The following HS6ST3 variants were observed in gnomAD, a reference collection of about 807,000 sequenced individuals.
HS6ST3 encodes the protein heparan sulfate 6-O-sulfotransferase 3.
In HS6ST3, 12 loss-of-function variants were observed where a neutral mutation model predicts 36.7. The observed-to-expected ratio is 0.33, with a 90% CI of 0.21 to 0.53. HS6ST3 has a LOEUF of 0.53. Among genes scored for constraint, HS6ST3 ranks in the 20% least tolerant of loss-of-function variants. HS6ST3 has a pLI of 0.95. For synonymous variants in HS6ST3, 240 were observed against 257.5 expected (o/e 0.93, Z 0.65); for missense variants, 584 against 640.9 (o/e 0.91, Z 0.96).
At chr13:96,824,014 A>G (rs1878597999) in intron 1 of HS6ST3, among the ~76,000 whole-genome samples, 1 of 152,254 alleles carries the variant, frequency 6.6e-6, no homozygotes, top group Admixed American at 6.5e-5. Flanking sequence ...TTTTTAAAAA[A>G]GCAAGAACAA....
chr13:96,204,954 G>A (rs569374340), intron 1 of HS6ST3, among the ~76,000 whole-genome samples: 3 of 151,944 alleles, frequency 2.0e-5, no homozygotes, highest in East Asian at 1.9e-4. Flanking sequence ...AAACAAACTC[G>A]AAATCTAGCA....
chr13:96,412,867 A>G (rs1311646537), intron 1 of HS6ST3, among the ~76,000 whole-genome samples: 1 of 150,330 alleles, frequency 6.7e-6, no homozygotes, highest in Non-Finnish European at 1.5e-5. Context: ...ATATATAAAA[A>G]CATATATAAG....
At chr13:96,763,363 C>T (rs968612260) in intron 1 of HS6ST3, among the ~76,000 whole-genome samples, 6 of 150,428 alleles carry the variant, frequency 4.0e-5, no homozygotes, top group East Asian at 3.9e-4. Flanking sequence ...TCATGGCACA[C>T]ACCTCTAATC....
chr13:96,753,696 T>C (rs929079612), intron 1 of HS6ST3, among the ~76,000 whole-genome samples: 3 of 152,210 alleles, frequency 2.0e-5, no homozygotes, highest in African/African-American at 7.2e-5. Flanking sequence ...AAATTTATTG[T>C]CTGCATGTAA....
chr13:96,697,403 AG>A (rs1875158354), intron 1 of HS6ST3, among the ~76,000 whole-genome samples: 2 of 152,110 alleles, frequency 1.3e-5, no homozygotes, highest in Non-Finnish European at 2.9e-5. Flanking sequence ...TTTCACCAAA[AG>A]GAAAGAGAAA....
intron 1 of HS6ST3, among the ~76,000 whole-genome samples, chr13:96,107,818 C>T (rs1376976293): frequency 6.6e-6 from 1 of 152,158 alleles, no homozygotes; most frequent in Admixed American, 6.5e-5. Context: ...TTATCACTTC[C>T]CCAATCAATA....
At chr13:96,392,678 G>T (rs1233838667) in intron 1 of HS6ST3, among the ~76,000 whole-genome samples, 1 of 152,174 alleles carries the variant, frequency 6.6e-6, no homozygotes, top group Non-Finnish European at 1.5e-5. Context: ...TGGCAAGCTG[G>T]AGAGTGGCAC....
chr13:96,749,062 A>G (rs1876631805), intron 1 of HS6ST3, among the ~76,000 whole-genome samples: 1 of 152,118 alleles, frequency 6.6e-6, no homozygotes, highest in South Asian at 2.1e-4. Flanking sequence ...ATTTCTCACA[A>G]AACTAAAATT....
chr13:96,458,518 A>G (rs2055765281), intron 1 of HS6ST3, among the ~76,000 whole-genome samples: 1 of 152,090 alleles, frequency 6.6e-6, no homozygotes, highest in Admixed American at 6.6e-5. Flanking sequence ...CTTAGCAAGC[A>G]GCTGCATTTC....
At chr13:96,491,715 G>T (rs1416920822) in intron 1 of HS6ST3, among the ~76,000 whole-genome samples, 1 of 152,062 alleles carries the variant, frequency 6.6e-6, no homozygotes, top group Non-Finnish European at 1.5e-5. Context: ...CTACTGGTCA[G>T]CCCATATACA....
In HS6ST3 at chr13:96,834,186, AG is replaced by A. The variant is rs1338998261; in HGVS notation, c.*989del. On this transcript the variant is annotated 3_prime_UTR_variant, in exon 2 of 2. Transcript: ENST00000376705. ...GTCTTGAAATTTTGCCACCACAGAA[AG>A]AAAGATGTTTTTAAAAGCTTGGCCC... 2 of 152,256 alleles carry A rather than the reference AG, an allele frequency of 1.3e-5. No homozygotes were observed. The highest frequency in any genetic ancestry group is 4.8e-5 in the African/African-American group (2 of 41,472). The allele number at this position is 152,256 out of a possible 1,614,324, so 9.4% of individuals were successfully genotyped here. A position where few individuals can be genotyped will look rare whatever the true frequency, so the allele number is the denominator to read the frequency against.
intron 1 of HS6ST3, among the ~76,000 whole-genome samples, chr13:96,168,884 T>C (rs1189183140): frequency 2.0e-5 from 3 of 152,102 alleles, no homozygotes; most frequent in African/African-American, 7.2e-5. Context: ...ATAGTGAACA[T>C]TGTACCAAAT....
chr13:96,287,077 CAAG>C (rs919209431), intron 1 of HS6ST3, among the ~76,000 whole-genome samples: 41 of 152,280 alleles, frequency 2.7e-4, no homozygotes, highest in African/African-American at 9.9e-4. Context: ...CCTTGGAAGA[CAAG>C]AAGATCTTTG....
At chr13:96,736,170 C>G (rs1353973492) in intron 1 of HS6ST3, among the ~76,000 whole-genome samples, 1 of 152,080 alleles carries the variant, frequency 6.6e-6, no homozygotes, top group Non-Finnish European at 1.5e-5. Context: ...ACCCCCATGA[C>G]ACGTGTTTAC....
chr13:96,407,031 A>G (rs1317653044), intron 1 of HS6ST3, among the ~76,000 whole-genome samples: 1 of 152,236 alleles, frequency 6.6e-6, no homozygotes, highest in African/African-American at 2.4e-5. Context: ...TTGTATTAAC[A>G]TCTTATAATG....
At position 96,135,844 on chromosome 13, in the gene HS6ST3, CTTATAAAAAGCATGCAGTTTAT is replaced by C. The variant is rs551101481; in HGVS notation, c.707+44276_707+44297del. Among the ~76,000 whole-genome samples, 256 of 152,254 alleles carry C rather than the reference CTTATAAAAAGCATGCAGTTTAT, an allele frequency of 1.7e-3. 4 individuals are homozygous for C. The highest frequency in any genetic ancestry group is 6.8e-3 in the Middle Eastern group (2 of 294). ...TAGCAGGACAGAAGAACCACTACCA[CTTATAAAAAGCATGCAGTTTAT>C]ATAGCATTTTCACTGAGCACCTCCA... On this transcript the variant is annotated intron_variant, in intron 1 of 1. Transcript: ENST00000376705.
At chr13:96,812,560 T>C (rs147654938) in intron 1 of HS6ST3, among the ~76,000 whole-genome samples, 287 of 152,274 alleles carry the variant, frequency 1.9e-3, no homozygotes, top group Middle Eastern at 6.8e-3. Context: ...ACTTTTTTCC[T>C]CCTCACTAGC....
At chr13:96,614,087 A>G (rs1395699938) in intron 1 of HS6ST3, among the ~76,000 whole-genome samples, 1 of 151,986 alleles carries the variant, frequency 6.6e-6, no homozygotes, top group East Asian at 1.9e-4. Flanking sequence ...TGAGGAGGTC[A>G]GGAGATGGAG....
At chr13:96,587,111 G>C (rs1404454698) in intron 1 of HS6ST3, among the ~76,000 whole-genome samples, 3 of 152,030 alleles carry the variant, frequency 2.0e-5, no homozygotes, top group Non-Finnish European at 4.4e-5. Context: ...TAAATGTAAG[G>C]ATTTATTCCT....
Sources: gnomAD v4.1 joint callset for allele counts (sites outside exome capture counted in the v4.1 genomes callset) on GRCh38, gnomAD v4.1.1 for gene constraint, MANE v1.5 for transcripts, NCBI Gene and HGNC (gene_info 2026-07-23, HGNC 2026-07-21) for gene names.